The following SOX6 variants were observed in gnomAD, a reference collection of about 807,000 sequenced individuals.
SOX6 encodes the protein transcription factor SOX-6.
SOX6 carries 11 observed loss-of-function variants against 97.8 expected under a neutral mutation model. The ratio of observed to expected loss-of-function variants is 0.11; its 90% CI spans 0.07 to 0.19. The LOEUF is 0.19. Ranked by LOEUF, SOX6 falls within the 10% of genes least tolerant of loss-of-function variation. The pLI is 1.00. For missense variants in SOX6, 810 were observed against 1,039.5 expected (o/e 0.78, Z 3.04); for synonymous variants, 360 against 371.4 (o/e 0.97, Z 0.35).
intron 1 of SOX6, among the ~76,000 whole-genome samples, chr11:16,345,325 T>C (rs1355531395): frequency 1.3e-5 from 2 of 151,986 alleles, no homozygotes; most frequent in Non-Finnish European, 2.9e-5. Context: ...TATATATCTT[T>C]GGGACACATA....
At chr11:16,073,656 T>C (rs1848276729) in intron 9 of SOX6, among the ~76,000 whole-genome samples, 1 of 152,144 alleles carries the variant, frequency 6.6e-6, no homozygotes, top group Admixed American at 6.5e-5. Flanking sequence ...CATCTGTACA[T>C]GGCAGATATG....
At chr11:16,169,362 T>C (rs142442620) in intron 6 of SOX6, among the ~76,000 whole-genome samples, 1 of 152,240 alleles carries the variant, frequency 6.6e-6, no homozygotes, top group African/African-American at 2.4e-5. Context: ...TAAATGTTTA[T>C]AGATCATTAC....
intron 2 of SOX6, among the ~76,000 whole-genome samples, chr11:16,721,329 T>C (rs1372537121): frequency 6.6e-6 from 1 of 152,174 alleles, no homozygotes; most frequent in African/African-American, 2.4e-5. Flanking sequence ...TGCTGATGGC[T>C]ATGGGTGATA....
chr11:16,500,466 T>C (rs1213633168), intron 4 of SOX6, among the ~76,000 whole-genome samples: 2 of 152,144 alleles, frequency 1.3e-5, no homozygotes, highest in African/African-American at 4.8e-5. Context: ...GCCAGGGCAA[T>C]CAGGCAGGAG....
At chr11:16,227,258 GTAT>G (rs952242310) in intron 4 of SOX6, among the ~76,000 whole-genome samples, 9 of 152,084 alleles carry the variant, frequency 5.9e-5, no homozygotes, top group African/African-American at 2.2e-4. Flanking sequence ...AATAACTGTA[GTAT>G]TAATTTGAAA....
At chr11:16,003,782 C>T (rs905130391) in intron 13 of SOX6, among the ~76,000 whole-genome samples, 1 of 151,904 alleles carries the variant, frequency 6.6e-6, no homozygotes, top group South Asian at 2.1e-4. Context: ...ATCTATAAAA[C>T]AATAATAATT....
In SOX6 at chr11:16,341,044, A is replaced by G. The variant is rs1419119805; in HGVS notation, c.205T>C (p.Trp69Arg). The change falls in exon 2 of 16, where the codon TGG (tryptophan) becomes CGG (arginine). Residue 69 changes from tryptophan to arginine, a missense_variant. Physicochemically the swap from Trp to Arg is moderately radical, Grantham distance 101. This residue lies in a region of SOX6 where 100 missense variants were observed against 94.6 expected (regional missense o/e 1.06). Coordinates refer to ENST00000683767, the MANE Select transcript of SOX6 (RefSeq NM_001367873.1). ...TGCTGAGATGACAGAACGCTGTCCC[A>G]GTCAGCATCTTGTTGAATGGTACTG... ...LVSTIQQDADWDSVLSSQQRM... is the reference protein window; with the variant it reads ...LVSTIQQDADRDSVLSSQQRM... 6.2e-7 allele frequency: 1 copy of G among 1,613,448 alleles called. No individual in the cohort carries two copies. The highest frequency in any genetic ancestry group is 1.1e-5 in the South Asian group (1 of 91,074).
intron 4 of SOX6, among the ~76,000 whole-genome samples, chr11:16,594,271 A>G (rs1848185331): frequency 6.6e-6 from 1 of 152,210 alleles, no homozygotes; most frequent in African/African-American, 2.4e-5. Flanking sequence ...CACAAAAGTC[A>G]AAAGTATTCA....
chr11:16,043,979 T>G (rs552266504), intron 12 of SOX6, among the ~76,000 whole-genome samples: 1 of 152,174 alleles, frequency 6.6e-6, no homozygotes, highest in Non-Finnish European at 1.5e-5. Context: ...AAGCTTCCTA[T>G]GAGGTTGCTA....
chr11:16,594,855 T>A (rs1284997464), intron 4 of SOX6, among the ~76,000 whole-genome samples: 1 of 151,958 alleles, frequency 6.6e-6, no homozygotes, highest in African/African-American at 2.4e-5. Context: ...CATGCCTGGA[T>A]AATTTTTTGT....
intron 9 of SOX6, among the ~76,000 whole-genome samples, chr11:16,070,829 C>A (rs916383740): frequency 6.6e-6 from 1 of 152,172 alleles, no homozygotes; most frequent in Non-Finnish European, 1.5e-5. Context: ...ATGGGAGAAT[C>A]CTCCTAACCC....
At chr11:16,710,065 G>A (rs3924757) in intron 3 of SOX6, among the ~76,000 whole-genome samples, 1 of 152,126 alleles carries the variant, frequency 6.6e-6, no homozygotes, top group African/African-American at 2.4e-5. Context: ...TCTGTGAAAA[G>A]AGAGGGTATC....
At chr11:16,495,106 A>C (rs1040989207) in intron 4 of SOX6, among the ~76,000 whole-genome samples, 6 of 152,082 alleles carry the variant, frequency 3.9e-5, no homozygotes, top group African/African-American at 1.4e-4. Flanking sequence ...AAGCTGAAAC[A>C]TGAGCCACTG....
chr11:16,539,579 C>T (rs1228300573), intron 4 of SOX6, among the ~76,000 whole-genome samples: 1 of 151,672 alleles, frequency 6.6e-6, no homozygotes, highest in Non-Finnish European at 1.5e-5. Flanking sequence ...ACTAGCAAGA[C>T]TAATAAAGAA....
intron 1 of SOX6, among the ~76,000 whole-genome samples, chr11:16,369,919 C>A (rs755792114): frequency 6.6e-6 from 1 of 152,134 alleles, no homozygotes; most frequent in Non-Finnish European, 1.5e-5. Context: ...TGTCCATCAT[C>A]CCTCCAGCAG....
At chr11:16,255,570 C>T (rs144392647) in intron 3 of SOX6, among the ~76,000 whole-genome samples, 2,140 of 152,074 alleles carry the variant, frequency 0.014, 54 homozygotes, top group African/African-American at 0.048. Context: ...AATAAAAATA[C>T]AACTTCTCAA....
At chr11:16,014,696 G>C (rs1590130681) in intron 13 of SOX6, among the ~76,000 whole-genome samples, 1 of 152,066 alleles carries the variant, frequency 6.6e-6, no homozygotes. Context: ...AACTTTGATG[G>C]TAACTTGAAG....
intron 9 of SOX6, among the ~76,000 whole-genome samples, chr11:16,057,837 T>C (rs1847856084): frequency 6.6e-6 from 1 of 152,136 alleles, no homozygotes; most frequent in Non-Finnish European, 1.5e-5. Context: ...CCTATTCTTG[T>C]TATTAAGGAA....
chr11:16,607,432 A>T lies in SOX6; in HGVS notation n.609+4649T>A, dbSNP rs1030420774. 6.6e-6 allele frequency: 1 copy of T among 152,420 alleles called. No homozygotes were observed. The highest frequency in any genetic ancestry group is 1.5e-5 in the Non-Finnish European group (1 of 68,206). The allele number at this position is 152,420 out of a possible 1,614,324, so 9.4% of individuals were successfully genotyped here. A position where few individuals can be genotyped will look rare whatever the true frequency, so the allele number is the denominator to read the frequency against. On this transcript the variant is annotated intron_variant and non_coding_transcript_variant, in intron 4 of 5. Transcript: ENST00000524520. The surrounding 1 kb of genome is among the most constrained non-coding windows in gnomAD (Gnocchi z 6.5). ...AATGGCATTAAAGAAAAAGGGAAAG[A>T]TACAAATAAAAAAAATTAAAAGGAA...
Sources: allele counts gnomAD v4.1 joint callset (sites outside exome capture counted in the v4.1 genomes callset), GRCh38; gene constraint gnomAD v4.1.1; regional missense constraint gnomAD v4.1.1; non-coding constraint Gnocchi (gnomAD v3.1); transcripts MANE v1.5; gene names NCBI Gene and HGNC (gene_info 2026-07-23, HGNC 2026-07-21).